The following TRIM71 variants were observed in gnomAD, a reference collection of about 807,000 sequenced individuals.
The protein encoded by TRIM71 is E3 ubiquitin-protein ligase TRIM71.
TRIM71 carries 9 observed loss-of-function variants against 61.2 expected under a neutral mutation model. That is an observed-to-expected ratio of 0.15 (90% CI 0.09 to 0.26). The LOEUF (loss-of-function observed/expected upper bound fraction) is 0.26, where lower values mean the gene tolerates loss of function less well. TRIM71 is among the 10% of genes least tolerant of loss of function. The pLI, the probability that TRIM71 is intolerant of heterozygous loss-of-function variation, is 1.00. For missense variants in TRIM71, 998 were observed against 1,238.7 expected (o/e 0.81, Z 2.92); for synonymous variants, 645 against 553.2 (o/e 1.17, Z -2.33).
intron 1 of TRIM71, among the ~76,000 whole-genome samples, chr3:32,822,611 A>G (rs1418095757): frequency 1.3e-5 from 2 of 152,166 alleles, no homozygotes; most frequent in Non-Finnish European, 2.9e-5. Context: ...CCCAAAGTCT[A>G]AGTTTTTTCA....
At chr3:32,846,313 G>GA (rs1263916434) in intron 1 of TRIM71, among the ~76,000 whole-genome samples, 1 of 152,148 alleles carries the variant, frequency 6.6e-6, no homozygotes, top group Non-Finnish European at 1.5e-5. Context: ...CTGACCTTGT[G>GA]ATCCACACGC....
intron 1 of TRIM71, among the ~76,000 whole-genome samples, chr3:32,819,541 C>T (rs190755189): frequency 1.2e-4 from 18 of 152,242 alleles, no homozygotes; most frequent in East Asian, 7.7e-4. Flanking sequence ...AGAGTGGGAG[C>T]GTCTGTGGAT....
chr3:32,867,344 A>G lies in TRIM71; in HGVS notation c.853-6474A>G, dbSNP rs181902809. On this transcript the variant is annotated intron_variant, in intron 1 of 3. Transcript: ENST00000383763. ...ATTAGTTTTGCAGTGAAATACATAA[A>G]CATTTACTAAATGACATAGGTAAAA... Among the ~76,000 whole-genome samples the G allele has an allele frequency of 3.4e-3, 521 of 152,298 alleles. 3 individuals are homozygous for G. The highest frequency in any genetic ancestry group is 0.012 in the African/African-American group (496 of 41,548).
At chr3:32,862,805 C>T (rs1696685851) in intron 1 of TRIM71, among the ~76,000 whole-genome samples, 1 of 152,200 alleles carries the variant, frequency 6.6e-6, no homozygotes, top group African/African-American at 2.4e-5. Context: ...GGGGCGGCAG[C>T]TGGGACACTA....
At position 32,818,713 on chromosome 3, in the gene TRIM71, C is replaced by T. The variant is rs760558511; in HGVS notation, c.633C>T (p.Arg211=). 6 of 1,590,336 alleles carry T rather than the reference C, an allele frequency of 3.8e-6. No homozygotes were observed. The highest frequency in any genetic ancestry group is 3.4e-5 in the Admixed American group (2 of 58,458). ...ATGAGGGCAACGCAGCTTCTTCGCG[C>T]TGCCTCGACTGCCAGGAGCACCTGT... The part of the protein sequence containing the change: ...SCDEGNAASS[R]CLDCQEHLCD... Residue 211 remains arginine, a synonymous_variant, in exon 1 of 4, where the codon CGC becomes CGT. Transcript: ENST00000383763.
At chr3:32,868,342 A>G (rs1007330339) in intron 1 of TRIM71, among the ~76,000 whole-genome samples, 1 of 152,262 alleles carries the variant, frequency 6.6e-6, no homozygotes, top group Non-Finnish European at 1.5e-5. Flanking sequence ...AATAACCATT[A>G]TATCAAGTGA....
At position 32,873,996 on chromosome 3, in the gene TRIM71, CCTGCCCTT is replaced by C; in HGVS notation, c.1020+16_1020+23del. The C allele has an allele frequency of 6.3e-7, 1 of 1,598,060 alleles. No individual in the cohort carries two copies. The highest frequency in any genetic ancestry group is 2.2e-5 in the East Asian group (1 of 44,764). On this transcript the variant is annotated intron_variant, in intron 2 of 3. Transcript: ENST00000383763. ...CGACAGGCAATCCAGGTGAGCCTTC[CCTGCCCTT>C]CTGCAGTTCCCACGTGAATCGAGCC... is the stretch of plus-strand genomic sequence containing the variant.
intron 1 of TRIM71, among the ~76,000 whole-genome samples, chr3:32,819,524 TTGGGTAAGAG>T (rs1275280663): frequency 6.6e-6 from 1 of 152,162 alleles, no homozygotes; most frequent in East Asian, 1.9e-4. Flanking sequence ...CCTCCTTATG[TTGGGTAAGAG>T]TGGGAGCGTC....
At chr3:32,877,631 TA>T (rs1696864666) in intron 2 of TRIM71, among the ~76,000 whole-genome samples, 1 of 152,152 alleles carries the variant, frequency 6.6e-6, no homozygotes, top group African/African-American at 2.4e-5. Context: ...GCGCTGAGAT[TA>T]AAGGCATCAG....
chr3:32,896,868 C>CT lies in TRIM71; in HGVS notation c.*5058dup, dbSNP rs1181472548. On this transcript the variant is annotated 3_prime_UTR_variant, in exon 4 of 4. Transcript: ENST00000383763. ...GTGTTTACTTTCTTTAAATAACCAG[C>CT]TCTGTAACTCTGTAAGTTCTTTGTG... 1 of 152,182 alleles carries CT rather than the reference C, an allele frequency of 6.6e-6. No individual in the cohort carries two copies. The highest frequency in any genetic ancestry group is 1.5e-5 in the Non-Finnish European group (1 of 68,038). 9.4% of individuals were successfully genotyped at this position (152,182 alleles called of 1,614,324 possible). A position where few individuals can be genotyped will look rare whatever the true frequency, so the allele number is the denominator to read the frequency against.
chr3:32,871,934 A>G (rs1559547954), intron 1 of TRIM71, among the ~76,000 whole-genome samples: 1 of 152,172 alleles, frequency 6.6e-6, no homozygotes. Context: ...ACGAGGTCAG[A>G]AGATCGAGAC....
intron 1 of TRIM71, among the ~76,000 whole-genome samples, chr3:32,852,759 TAAAAA>T (rs36040321): frequency 7.5e-5 from 10 of 133,856 alleles, no homozygotes; most frequent in South Asian, 2.3e-4. Flanking sequence ...TACTGTCTTT[TAAAAA>T]AAAAAAAAAA....
chr3:32,829,922 A>ATTTT (rs11327826), intron 1 of TRIM71, among the ~76,000 whole-genome samples: 3 of 109,538 alleles, frequency 2.7e-5, no homozygotes, highest in African/African-American at 7.5e-5. Context: ...TACTGCCTGA[A>ATTTT]TTTTTTTTTT....
intron 3 of TRIM71, among the ~76,000 whole-genome samples, chr3:32,889,897 T>C (rs1575361696): frequency 7.1e-6 from 1 of 140,446 alleles, no homozygotes; most frequent in East Asian, 1.9e-4. Context: ...TGTGTGTGTG[T>C]GTGTATGTAT....
chr3:32,818,036 T>C lies in TRIM71; in HGVS notation c.-45T>C. The C allele has an allele frequency of 6.3e-7, 1 of 1,581,890 alleles. No homozygotes were observed. Among genetic ancestry groups the C allele is most frequent in the Non-Finnish European group, 8.7e-7 (1 of 1,155,290 alleles). Reference sequence around the variant, plus strand: ...CTCGTCCGCTCTCTCCTCCTCCTCCTCCTCTTCCTCTCTGGTCTCCTCCCT... The same window carrying C: ...CTCGTCCGCTCTCTCCTCCTCCTCCCCCTCTTCCTCTCTGGTCTCCTCCCT... On this transcript the variant is annotated 5_prime_UTR_variant, in exon 1 of 4. Coordinates refer to ENST00000383763, the MANE Select transcript of TRIM71 (RefSeq NM_001039111.3).
chr3:32,886,195 A>G, intron 3 of TRIM71, 127 bp downstream of exon 3: 4 of 1,281,346 alleles, frequency 3.1e-6, no homozygotes, highest in Non-Finnish European at 3.1e-6. Flanking sequence ...GTAATTTTCC[A>G]GAAAGCCTGT....
chr3:32,873,967 G>A lies in TRIM71; in HGVS notation c.1002G>A (p.Gln334=), dbSNP rs752907170. 3 of 1,611,174 alleles carry A rather than the reference G, an allele frequency of 1.9e-6. No homozygotes were observed. Among genetic ancestry groups the A allele is most frequent in the African/African-American group, 1.3e-5 (1 of 74,894 alleles). Residue 334 remains glutamine (Q), a synonymous_variant, in exon 2 of 4, where the codon CAG becomes CAA. Transcript: ENST00000383763. The part of the protein sequence containing the change: ...LTIQLLADAQ[Q]GRQAIQLSIE... ...TCCAGCTGCTGGCAGATGCCCAGCAGGGACGACAGGCAATCCAGGTGAGCC... is the reference window on the plus strand; with the variant it reads ...TCCAGCTGCTGGCAGATGCCCAGCAAGGACGACAGGCAATCCAGGTGAGCC...
At chr3:32,867,854 T>C (rs1696755042) in intron 1 of TRIM71, among the ~76,000 whole-genome samples, 2 of 152,132 alleles carry the variant, frequency 1.3e-5, no homozygotes, top group African/African-American at 4.8e-5. Context: ...AGCATCGTCT[T>C]GGATGTTGGA....
chr3:32,876,907 G>T (rs1413786055), intron 2 of TRIM71, among the ~76,000 whole-genome samples: 1 of 152,130 alleles, frequency 6.6e-6, no homozygotes, highest in African/African-American at 2.4e-5. Context: ...ATAGTCAGCT[G>T]TGTAAGTGGT....
Sources: gnomAD v4.1 joint callset for allele counts (sites outside exome capture counted in the v4.1 genomes callset) on GRCh38, gnomAD v4.1.1 for gene constraint, MANE v1.5 for transcripts, NCBI Gene and HGNC (gene_info 2026-07-23, HGNC 2026-07-21) for gene names.